The following WDR20 variants were observed in gnomAD, a reference collection of about 807,000 sequenced individuals.
The protein encoded by WDR20 is WD repeat domain 20.
A neutral mutation model predicts 38.7 loss-of-function variants in WDR20; 3 were observed. The observed-to-expected ratio is 0.08, with a 90% CI of 0.04 to 0.20. The LOEUF (loss-of-function observed/expected upper bound fraction) is 0.20, where lower values mean the gene tolerates loss of function less well. WDR20 is among the 10% of genes least tolerant of loss of function. The pLI is 1.00. For missense variants in WDR20, 559 were observed against 727.7 expected (o/e 0.77, Z 2.67); for synonymous variants, 298 against 285.6 (o/e 1.04, Z -0.44).
intron 1 of WDR20, among the ~76,000 whole-genome samples, chr14:102,168,395 A>G (rs2060168387): frequency 6.6e-6 from 1 of 152,108 alleles, no homozygotes; most frequent in Non-Finnish European, 1.5e-5. Flanking sequence ...GCTGTTAGTA[A>G]TTTGGTATTT....
intron 1 of WDR20, among the ~76,000 whole-genome samples, chr14:102,192,112 T>C (rs1007334438): frequency 2.0e-4 from 30 of 152,216 alleles, no homozygotes; most frequent in Middle Eastern, 3.4e-3. Context: ...TCAAGAGCAG[T>C]GACCTAAGAA....
At chr14:102,160,832 C>T (rs2058460741) in intron 1 of WDR20, among the ~76,000 whole-genome samples, 1 of 149,108 alleles carries the variant, frequency 6.7e-6, no homozygotes, top group East Asian at 2.0e-4. Flanking sequence ...CCTGTATTCC[C>T]AGCTACTTGG....
At chr14:102,218,653 C>T (rs1328014996), downstream of WDR20, among the ~76,000 whole-genome samples, 2 of 151,850 alleles carry the variant, frequency 1.3e-5, no homozygotes, top group Non-Finnish European at 2.9e-5. Context: ...ATTTTTTTAT[C>T]ACTTAATTTT....
intron 1 of WDR20, among the ~76,000 whole-genome samples, chr14:102,150,466 A>G (rs551138098): frequency 3.9e-5 from 6 of 152,172 alleles, no homozygotes; most frequent in Non-Finnish European, 8.8e-5. Context: ...GAATGAGACC[A>G]TCTCAAAAAA....
In WDR20 at chr14:102,220,593, G is replaced by A. The variant is rs999966785; in HGVS notation, c.1693-2237G>A. 1.3e-5 allele frequency among the ~76,000 whole-genome samples: 2 copies of A among 151,770 alleles called. No homozygotes were observed. Among genetic ancestry groups the A allele is most frequent in the Admixed American group, 6.6e-5 (1 of 15,244 alleles). On this transcript the variant is annotated intron_variant, in intron 3 of 3. Transcript: ENST00000335263. This position sits in a 1 kb window ranked among gnomAD's most constrained non-coding sequence, Gnocchi z 4.2. ...AAGTTAGCTGGGCGTGGTGGCAGGC[G>A]CCTGTAGTCCAAGGTACTTGGGAGG...
At chr14:102,147,126 A>G (rs919488214) in intron 1 of WDR20, among the ~76,000 whole-genome samples, 2 of 152,098 alleles carry the variant, frequency 1.3e-5, no homozygotes, top group Non-Finnish European at 1.5e-5. Flanking sequence ...GAAAGATTGC[A>G]TGGGTGGCTT....
At chr14:102,212,477 G>T (rs1367660836), downstream of WDR20, 2 of 1,534,384 alleles carry the variant, frequency 1.3e-6, no homozygotes, top group Non-Finnish European at 1.7e-6. Context: ...ACACCACTCT[G>T]TGTCCACTCT....
intron 2 of WDR20, chr14:102,198,094 C>A (rs1355339409): frequency 6.5e-6 from 2 of 309,424 alleles, no homozygotes. Context: ...TCACAGAGGT[C>A]TACTTTATTT....
At chr14:102,218,931 C>T (rs897471734), downstream of WDR20, among the ~76,000 whole-genome samples, 6 of 152,238 alleles carry the variant, frequency 3.9e-5, no homozygotes, top group African/African-American at 1.2e-4. Context: ...GCCAGGTCCT[C>T]CGTCGGCCGG....
intron 2 of WDR20, chr14:102,197,962 C>T: frequency 1.7e-6 from 1 of 579,704 alleles, no homozygotes; most frequent in South Asian, 2.2e-5. Flanking sequence ...ACCTGCCCTC[C>T]TGTGACCCCT....
chr14:102,192,283 G>T (rs149190014), intron 1 of WDR20, among the ~76,000 whole-genome samples: 6,511 of 151,642 alleles, frequency 0.043, 172 homozygotes, highest in Non-Finnish European at 0.061. Flanking sequence ...AGGTTCAAGC[G>T]ATTCTCCTGT....
At chr14:102,142,774 C>CTGTTTTTTTTTTT (rs1193456475) in intron 1 of WDR20, among the ~76,000 whole-genome samples, 2 of 85,038 alleles carry the variant, frequency 2.4e-5, no homozygotes, top group African/African-American at 4.3e-5. Context: ...GCTGTTTTGA[C>CTGTTTTTTTTTTT]TTTTTTTTTT....
At chr14:102,144,939 T>C (rs1318938263) in intron 1 of WDR20, among the ~76,000 whole-genome samples, 1 of 152,198 alleles carries the variant, frequency 6.6e-6, no homozygotes, top group Non-Finnish European at 1.5e-5. Context: ...CCTCAAGTGA[T>C]TCACCTGCCT....
intron 2 of WDR20, among the ~76,000 whole-genome samples, chr14:102,204,771 C>T (rs545558447): frequency 7.2e-5 from 11 of 152,198 alleles, no homozygotes; most frequent in Non-Finnish European, 1.5e-4. Context: ...GGGAGTTTAT[C>T]CTGTAGGTAC....
rs964521149 is a variant in WDR20 at position 102,220,062 on chromosome 14, G to T, written c.1693-2768G>T. ...TAGGAAGCCTGCAGCCCTCGCGTTG[G>T]GTCGCTTTCTAGGGGTGCGGCTTTG... On this transcript the variant is annotated intron_variant, in intron 3 of 3. Coordinates refer to the WDR20 transcript ENST00000335263. The surrounding 1 kb of genome is among the most constrained non-coding windows in gnomAD (Gnocchi z 4.2). Among the ~76,000 whole-genome samples the T allele has an allele frequency of 6.6e-6, 1 of 152,254 alleles. No individual in the cohort carries two copies. Among genetic ancestry groups the T allele is most frequent in the Non-Finnish European group, 1.5e-5 (1 of 68,048 alleles).
chr14:102,192,665 T>G (rs898007750), intron 1 of WDR20, among the ~76,000 whole-genome samples: 1 of 152,212 alleles, frequency 6.6e-6, no homozygotes, highest in African/African-American at 2.4e-5. Context: ...AACAGGTGCT[T>G]TTACTTCCTC....
intron 1 of WDR20, among the ~76,000 whole-genome samples, chr14:102,186,077 G>T (rs568624843): frequency 6.6e-6 from 1 of 152,256 alleles, no homozygotes; most frequent in Non-Finnish European, 1.5e-5. Context: ...TTTCCTATGG[G>T]CATAAGTGAC....
At chr14:102,215,015 T>A, downstream of WDR20, 1 of 980,804 alleles carries the variant, frequency 1.0e-6, no homozygotes, top group Non-Finnish European at 1.2e-6. Context: ...ATGTAGATAA[T>A]TTTCAGTAGT....
chr14:102,217,086 C>T (rs560193344), downstream of WDR20, among the ~76,000 whole-genome samples: 12 of 152,316 alleles, frequency 7.9e-5, no homozygotes, highest in African/African-American at 2.6e-4. Context: ...CCAGCCTCCC[C>T]TTTTAGGTGG....
Sources: allele counts gnomAD v4.1 joint callset (sites outside exome capture counted in the v4.1 genomes callset), GRCh38; gene constraint gnomAD v4.1.1; non-coding constraint Gnocchi (gnomAD v3.1); transcripts MANE v1.5; gene names NCBI Gene and HGNC (gene_info 2026-07-23, HGNC 2026-07-21).